MFAP3L: variants seen among roughly 807,000 people sequenced by gnomAD.
The protein encoded by MFAP3L is microfibrillar-associated protein 3-like.
A neutral mutation model predicts 20.0 loss-of-function variants in MFAP3L; 5 were observed. The observed-to-expected ratio is 0.25, with a 90% CI of 0.13 to 0.53. MFAP3L has a LOEUF of 0.53. Ranked by LOEUF, MFAP3L falls within the 20% of genes least tolerant of loss-of-function variation. The probability of loss-of-function intolerance (pLI) is 0.96; values close to 1 mark genes in which losing one functional copy is unlikely to be tolerated. For synonymous variants in MFAP3L, 219 were observed against 213.0 expected (o/e 1.03, Z -0.25); for missense variants, 409 against 527.5 (o/e 0.78, Z 2.20).
At chr4:170,019,747 C>A (rs1394258537) in intron 1 of MFAP3L, among the ~76,000 whole-genome samples, 1 of 152,190 alleles carries the variant, frequency 6.6e-6, no homozygotes, top group South Asian at 2.1e-4. Context: ...CCCTTACGAT[C>A]TTCCTCACAC....
chr4:170,006,456 C>T (rs1739042637), intron 1 of MFAP3L: 2 of 152,018 alleles, frequency 1.3e-5, no homozygotes, highest in Admixed American at 6.6e-5. Context: ...TAAGATGTTC[C>T]GGATGTGAAT....
intron 1 of MFAP3L, among the ~76,000 whole-genome samples, chr4:170,019,840 G>A (rs1739918115): frequency 6.6e-6 from 1 of 152,152 alleles, no homozygotes; most frequent in Non-Finnish European, 1.5e-5. Context: ...CCTCTTTCCT[G>A]TTGACTAGAG....
chr4:170,026,834 ACCAGTCAACCCACC>A (rs1185580570), upstream of MFAP3L: 1 of 152,198 alleles, frequency 6.6e-6, no homozygotes, highest in African/African-American at 2.4e-5. Flanking sequence ...CTAAATGGGA[ACCAGTCAACCCACC>A]CCCAAGCCTA....
rs1448295028 is a variant in MFAP3L at position 169,991,957 on chromosome 4, T to C, written c.651A>G (p.Leu217=). 6.2e-7 allele frequency: 1 copy of C among 1,614,188 alleles called. No individual in the cohort carries two copies. Among genetic ancestry groups the C allele is most frequent in the East Asian group, 2.2e-5 (1 of 44,880 alleles). Reference sequence around the variant, plus strand: ...TGAACTGGGTGACTTTGGCAAGCTCTAGAGTTTTGGCGGAGGTGATGATGG... The same window carrying C: ...TGAACTGGGTGACTTTGGCAAGCTCCAGAGTTTTGGCGGAGGTGATGATGG... The part of the protein sequence containing the change: ...RIPIITSAKT[L]ELAKVTQFKT... Residue 217 remains leucine, a synonymous_variant, in exon 3 of 3, where the codon CTA becomes CTG. Coordinates refer to ENST00000361618, the MANE Select transcript of MFAP3L (RefSeq NM_021647.8). This position sits in a 1 kb window ranked among gnomAD's most constrained non-coding sequence, Gnocchi z 4.9.
intron 2 of MFAP3L, chr4:169,994,362 G>C (rs1737974928): frequency 1.0e-6 from 1 of 985,116 alleles, no homozygotes; most frequent in Non-Finnish European, 1.2e-6. Context: ...TCTGAACCTG[G>C]GTACAGAAGA....
Position 170,026,366 on chromosome 4 carries a change from C to T in MFAP3L, c.-266G>A. On this transcript the variant is annotated 5_prime_UTR_variant, in exon 1 of 3. Coordinates refer to ENST00000361618, the MANE Select transcript of MFAP3L (RefSeq NM_021647.8). ...GCGGGCGAGCCGCCTCCGCCGGCGC[C>T]TCACAGCGTTGCGAGCTGCGCCGCC... is the stretch of plus-strand genomic sequence containing the variant. The T allele has an allele frequency of 3.5e-6, 3 of 865,848 alleles. No individual in the cohort carries two copies. Among genetic ancestry groups the T allele is most frequent in the Non-Finnish European group, 4.2e-6 (3 of 721,810 alleles). The allele number at this position is 865,848 out of a possible 1,614,324, so 53.6% of individuals were successfully genotyped here.
chr4:170,016,810 T>C (rs761075642), intron 1 of MFAP3L, among the ~76,000 whole-genome samples: 4 of 152,242 alleles, frequency 2.6e-5, no homozygotes, highest in Non-Finnish European at 4.4e-5. Flanking sequence ...ACCACAGAAC[T>C]AAGTATAACC....
At position 169,991,590 on chromosome 4, in the gene MFAP3L, C is replaced by T. The variant is rs746232455; in HGVS notation, c.1018G>A (p.Val340Ile). 6 of 1,614,092 alleles carry T rather than the reference C, an allele frequency of 3.7e-6. No homozygotes were observed. The highest frequency in any genetic ancestry group is 1.7e-5 in the Admixed American group (1 of 60,012). The change falls in exon 3 of 3, where the codon GTC becomes ATC. Residue 340 changes from valine to isoleucine, a missense_variant. Coordinates refer to ENST00000361618, the MANE Select transcript of MFAP3L (RefSeq NM_021647.8). The surrounding 1 kb of genome is among the most constrained non-coding windows in gnomAD (Gnocchi z 4.9). ...ADDQEGGQFE[V>I]KDVEETELSA... ...AGTTCTGTCTCCTCTACATCTTTGA[C>T]TTCAAACTGTCCACCCTCTTGGTCA... is the stretch of plus-strand genomic sequence containing the variant.
At chr4:169,994,724 G>A (rs1041883617) in intron 2 of MFAP3L, among the ~76,000 whole-genome samples, 1 of 152,142 alleles carries the variant, frequency 6.6e-6, no homozygotes, top group Non-Finnish European at 1.5e-5. Context: ...TGATATGTGT[G>A]GTTCATTTTG....
chr4:170,002,368 A>T, intron 2 of MFAP3L: 1 of 500,358 alleles, frequency 2.0e-6, no homozygotes, highest in South Asian at 8.6e-5. Flanking sequence ...GCTTATTATA[A>T]GGATTAGAAA....
intron 1 of MFAP3L, among the ~76,000 whole-genome samples, chr4:170,021,582 C>A (rs1740038966): frequency 6.6e-6 from 1 of 152,166 alleles, no homozygotes; most frequent in Admixed American, 6.5e-5. Context: ...TCTTTTACCA[C>A]ATTGTCTGAA....
intron 1 of MFAP3L, among the ~76,000 whole-genome samples, chr4:170,008,268 C>T (rs1739169435): frequency 6.6e-6 from 1 of 152,116 alleles, no homozygotes; most frequent in African/African-American, 2.4e-5. Context: ...GGAAAAGTCA[C>T]TAAGGTACAG....
chr4:170,012,146 G>A (rs897638381), intron 1 of MFAP3L, among the ~76,000 whole-genome samples: 4 of 152,202 alleles, frequency 2.6e-5, no homozygotes, highest in East Asian at 1.9e-4. Context: ...ATATGGCTGC[G>A]ATGTAGACCT....
intron 1 of MFAP3L, among the ~76,000 whole-genome samples, chr4:170,008,614 G>A (rs537520834): frequency 1.3e-5 from 2 of 152,098 alleles, no homozygotes; most frequent in East Asian, 1.9e-4. Flanking sequence ...GAGGGGCACC[G>A]AACAGCTTGG....
chr4:170,004,748 T>C (rs1464270748), intron 2 of MFAP3L, among the ~76,000 whole-genome samples: 2 of 152,164 alleles, frequency 1.3e-5, no homozygotes, highest in African/African-American at 2.4e-5. Flanking sequence ...AGGAGGGCAA[T>C]GTGAATGGAA....
chr4:170,003,814 A>G (rs894473579), intron 2 of MFAP3L: 3 of 985,324 alleles, frequency 3.0e-6, no homozygotes, highest in Non-Finnish European at 3.6e-6. Flanking sequence ...CTTTGTTACC[A>G]TGGCTATTGC....
chr4:170,006,288 T>A (rs1167770098), intron 1 of MFAP3L, among the ~76,000 whole-genome samples: 1 of 151,982 alleles, frequency 6.6e-6, no homozygotes, highest in Non-Finnish European at 1.5e-5. Context: ...AATTTTTGTA[T>A]TTTTAGTAGA....
chr4:169,994,429 C>A (rs1349775379), intron 2 of MFAP3L: 7 of 984,596 alleles, frequency 7.1e-6, no homozygotes, highest in African/African-American at 7.0e-5. Flanking sequence ...TTTCCCCAAA[C>A]CTAAGTTACA....
intron 1 of MFAP3L, chr4:170,006,990 A>G (rs1354770464): frequency 6.6e-6 from 1 of 152,130 alleles, no homozygotes; most frequent in African/African-American, 2.4e-5. Context: ...CGGCACTTCT[A>G]TGTCCAAAGA....
Sources: allele counts gnomAD v4.1 joint callset (sites outside exome capture counted in the v4.1 genomes callset), GRCh38; gene constraint gnomAD v4.1.1; non-coding constraint Gnocchi (gnomAD v3.1); transcripts MANE v1.5; gene names NCBI Gene and HGNC (gene_info 2026-07-23, HGNC 2026-07-21).